The following ARHGEF9 variants were observed in gnomAD, a reference collection of about 807,000 sequenced individuals.
ARHGEF9 encodes the protein rho guanine nucleotide exchange factor 9.
ARHGEF9 carries 2 observed loss-of-function variants against 41.3 expected under a neutral mutation model. That is an observed-to-expected ratio of 0.05 (90% CI 0.02 to 0.15). The LOEUF is 0.15. Ranked by LOEUF, ARHGEF9 falls within the 10% of genes least tolerant of loss-of-function variation. The pLI is 1.00. For missense variants in ARHGEF9, 225 were observed against 424.7 expected, an observed-to-expected ratio of 0.53 and a Z score of 4.13; for synonymous variants, 160 against 154.4, an observed-to-expected ratio of 1.04 and a Z score of -0.27.
rs1556334879 is a variant in ARHGEF9, at chrX:63,655,640, T to C, written c.1175A>G (p.Asn392Ser). 1 of 1,211,456 alleles carries C rather than the reference T, an allele frequency of 8.3e-7. No individual in the cohort carries two copies. Among genetic ancestry groups the C allele is most frequent in the Admixed American group, 2.2e-5 (1 of 46,004 alleles). The change falls in exon 8 of 10, where the codon AAT becomes AGT. Residue 392 changes from asparagine (N) to serine (S), a missense_variant. This residue lies in a region of ARHGEF9 where 75 missense variants were observed against 113.2 expected (regional missense o/e 0.66). Coordinates refer to ENST00000671741, the MANE Select transcript of ARHGEF9 (RefSeq NM_001353921.2). ...CTTAAAGGCATTCTTCATGCTGACA[T>C]TGAAGTCATCATCTCTGCCATCCTC... The part of the protein sequence containing the change: ...DIEDGRDDDF[N>S]VSMKNAFKLH...
chrX:63,708,123 T>C (rs2052675647), intron 2 of ARHGEF9, among the ~76,000 whole-genome samples: 1 of 109,639 alleles, frequency 9.1e-6, no homozygotes, highest in Non-Finnish European at 1.9e-5. Flanking sequence ...TTCAAAAGAA[T>C]AGACCTGGGC....
At chrX:63,713,276 G>A (rs1556408023) in intron 2 of ARHGEF9, among the ~76,000 whole-genome samples, 2 of 110,980 alleles carry the variant, frequency 1.8e-5, no homozygotes, top group Non-Finnish European at 3.8e-5. Flanking sequence ...TATAGAATCA[G>A]TTTATAAAGG....
intron 1 of ARHGEF9, among the ~76,000 whole-genome samples, chrX:63,729,878 C>A (rs1556419193): frequency 8.9e-6 from 1 of 112,403 alleles, no homozygotes; most frequent in African/African-American, 3.2e-5. Flanking sequence ...AAGAGTCCTG[C>A]ATTATGCTTA....
At chrX:63,673,052 G>C (rs1436741847) in intron 6 of ARHGEF9, among the ~76,000 whole-genome samples, 1 of 112,012 alleles carries the variant, frequency 8.9e-6, no homozygotes. Context: ...GATCAGAATT[G>C]TGGTCTTTTT....
chrX:63,688,044 AC>A (rs2051095090), intron 4 of ARHGEF9, among the ~76,000 whole-genome samples: 1 of 111,541 alleles, frequency 9.0e-6, no homozygotes. Flanking sequence ...AAATAAGATT[AC>A]CCTAAGGCAT....
Position 63,636,618 on chromosome X carries a change from G to A in ARHGEF9, c.*1410C>T. Reference sequence around the variant, plus strand: ...CTATATCAATACCAAAAATCCTCCTGTGCTAGGATGGCAGGAGAAAGAAGA... The same window carrying A: ...CTATATCAATACCAAAAATCCTCCTATGCTAGGATGGCAGGAGAAAGAAGA... On this transcript the variant is annotated 3_prime_UTR_variant, in exon 10 of 10. Transcript: ENST00000671741. The A allele has an allele frequency of 4.0e-6, 1 of 250,607 alleles. No individual in the cohort carries two copies. Among genetic ancestry groups the A allele is most frequent in the Non-Finnish European group, 7.1e-6 (1 of 140,994 alleles). 20.7% of individuals were successfully genotyped at this position (250,607 alleles called of 1,213,427 possible).
At chrX:63,713,637 A>G (rs2053089008) in intron 2 of ARHGEF9, among the ~76,000 whole-genome samples, 1 of 109,105 alleles carries the variant, frequency 9.2e-6, no homozygotes, top group African/African-American at 3.4e-5. Flanking sequence ...AAGTGTGGAT[A>G]CAAAGGTGAA....
chrX:63,732,892 C>A (rs1438293961), intron 1 of ARHGEF9, among the ~76,000 whole-genome samples: 1 of 111,797 alleles, frequency 8.9e-6, no homozygotes, highest in Non-Finnish European at 1.9e-5. Context: ...ACACTGGGGC[C>A]AGGCTGCTTC....
In ARHGEF9 at chrX:63,635,782, C is replaced by T. The variant is rs2047287691; in HGVS notation, c.*2246G>A. 1.8e-5 allele frequency: 3 copies of T among 168,360 alleles called. No individual in the cohort carries two copies. The South Asian group carries it at 3.7e-4, about 21-fold the overall frequency. The allele number at this position is 168,360 out of a possible 1,213,427, so 13.9% of individuals were successfully genotyped here. A position where few individuals can be genotyped will look rare whatever the true frequency, so the allele number is the denominator to read the frequency against. The stretch of plus-strand genomic sequence containing the variant: ...GCATCCCCTCCCGGTGTGCTGCCAA[C>T]CCTCGAAGAAGCATGTCAAGGCCAA... On this transcript the variant is annotated 3_prime_UTR_variant, in exon 10 of 10. Transcript: ENST00000671741.
At chrX:63,744,023 C>T (rs2055120142) in intron 1 of ARHGEF9, among the ~76,000 whole-genome samples, 1 of 112,109 alleles carries the variant, frequency 8.9e-6, no homozygotes, top group Admixed American at 9.4e-5. Context: ...TAAAAAGAGT[C>T]CTCCAAAAAT....
intron 8 of ARHGEF9, among the ~76,000 whole-genome samples, chrX:63,646,805 A>T (rs1185473002): frequency 1.8e-5 from 2 of 108,765 alleles, no homozygotes; most frequent in African/African-American, 6.7e-5. Flanking sequence ...CATTGAATCT[A>T]TAAATTACCT....
At chrX:63,711,736 A>G (rs1188721109) in intron 2 of ARHGEF9, among the ~76,000 whole-genome samples, 9 of 112,114 alleles carry the variant, frequency 8.0e-5, no homozygotes, top group African/African-American at 2.9e-4. Context: ...AACATTAGAC[A>G]ATAGTTTCTT....
chrX:63,763,328 G>A (rs1176269182), intron 1 of ARHGEF9, among the ~76,000 whole-genome samples: 1 of 111,287 alleles, frequency 9.0e-6, no homozygotes, highest in Non-Finnish European at 1.9e-5. Context: ...TAGAGAGACA[G>A]ACTGTACACA....
At position 63,637,164 on chromosome X, in the gene ARHGEF9, C is replaced by A. The variant is rs190473691; in HGVS notation, c.*864G>T. ...ACTCCTAGATGCAAAATTGCAACGA[C>A]CCAGAAGTGCTGCAACATGGGAAAC... On this transcript the variant is annotated 3_prime_UTR_variant, in exon 10 of 10. Coordinates refer to ENST00000671741, the MANE Select transcript of ARHGEF9 (RefSeq NM_001353921.2). 3 of 295,739 alleles carry A rather than the reference C, an allele frequency of 1.0e-5. No individual in the cohort carries two copies. Among genetic ancestry groups the A allele is most frequent in the Non-Finnish European group, 1.8e-5 (3 of 170,097 alleles). 24.4% of individuals were successfully genotyped at this position (295,739 alleles called of 1,213,427 possible).
At chrX:63,744,019 G>T (rs782417487) in intron 1 of ARHGEF9, among the ~76,000 whole-genome samples, 2 of 112,316 alleles carry the variant, frequency 1.8e-5, no homozygotes, top group East Asian at 5.6e-4. Flanking sequence ...GAAGTAAAAA[G>T]AGTCCTCCAA....
chrX:63,638,657 TC>T (rs1220080720), intron 9 of ARHGEF9: 15 of 303,956 alleles, frequency 4.9e-5, no homozygotes, highest in Middle Eastern at 8.6e-4. Flanking sequence ...CCTTCTCCAG[TC>T]CCCCCTGGAA....
At chrX:63,698,967 C>G (rs1556392126) in intron 3 of ARHGEF9, among the ~76,000 whole-genome samples, 1 of 111,539 alleles carries the variant, frequency 9.0e-6, no homozygotes, top group African/African-American at 3.3e-5. Flanking sequence ...TTCTGCCTCC[C>G]TAGAAAGTTT....
At chrX:63,710,761 T>C (rs1556406327) in intron 2 of ARHGEF9, among the ~76,000 whole-genome samples, 1 of 111,708 alleles carries the variant, frequency 9.0e-6, no homozygotes, top group Non-Finnish European at 1.9e-5. Context: ...GCTTTCATCC[T>C]ACAATCAAGA....
At chrX:63,777,877 G>T (rs1278134357) in intron 1 of ARHGEF9, among the ~76,000 whole-genome samples, 2 of 112,821 alleles carry the variant, frequency 1.8e-5, no homozygotes, top group African/African-American at 3.2e-5. Context: ...TGGCTTTGCA[G>T]GGTACAGTCC....
Sources: gnomAD v4.1 joint callset for allele counts (sites outside exome capture counted in the v4.1 genomes callset) on GRCh38, gnomAD v4.1.1 for gene constraint, gnomAD v4.1.1 regional missense constraint, MANE v1.5 for transcripts, NCBI Gene and HGNC (gene_info 2026-07-23, HGNC 2026-07-21) for gene names.